The following CCDC3 variants were observed in gnomAD, a reference collection of about 807,000 sequenced individuals.
The protein encoded by CCDC3 is coiled-coil domain containing 3.
CCDC3 carries 24 observed loss-of-function variants against 21.4 expected under a neutral mutation model. The observed-to-expected ratio is 1.12, with a 90% CI of 0.81 to 1.58. The LOEUF (loss-of-function observed/expected upper bound fraction) is 1.58. CCDC3 is among the 40% of genes most tolerant of loss of function. The pLI is 0.00. For missense variants in CCDC3, 425 were observed against 360.9 expected (o/e 1.18, Z -1.44); for synonymous variants, 186 against 166.0 (o/e 1.12, Z -0.93).
intron 2 of CCDC3, among the ~76,000 whole-genome samples, chr10:12,909,607 T>A (rs953024546): frequency 1.7e-4 from 26 of 152,176 alleles, no homozygotes; most frequent in African/African-American, 6.3e-4. Flanking sequence ...CTGTGCTTAG[T>A]GCCGGAAGGG....
At chr10:13,054,461 TTC>T (rs932875384) in intron 4 of CCDC3, among the ~76,000 whole-genome samples, 6 of 152,272 alleles carry the variant, frequency 3.9e-5, no homozygotes, top group African/African-American at 9.6e-5. Context: ...TTGTTTGCAT[TTC>T]TGTCTCCCTC....
intron 2 of CCDC3, among the ~76,000 whole-genome samples, chr10:12,977,351 T>C (rs188955404): frequency 5.9e-5 from 9 of 151,826 alleles, no homozygotes; most frequent in African/African-American, 1.9e-4. Context: ...AAAGAAAGTG[T>C]CGTGTCTTTA....
At chr10:12,900,522 C>CAAAAA (rs10716235) in intron 2 of CCDC3, among the ~76,000 whole-genome samples, 6 of 75,870 alleles carry the variant, frequency 7.9e-5, no homozygotes, top group African/African-American at 3.5e-4. Context: ...ACTAAAAATA[C>CAAAAA]AAAAAAAAAA....
chr10:12,993,335 C>T (rs930033947), intron 2 of CCDC3, among the ~76,000 whole-genome samples: 6 of 152,260 alleles, frequency 3.9e-5, no homozygotes, highest in Non-Finnish European at 8.8e-5. Flanking sequence ...GATCTGCCCA[C>T]GGTCATTCCT....
At chr10:13,012,914 T>C (rs1007277982) in intron 5 of CCDC3, among the ~76,000 whole-genome samples, 8 of 152,118 alleles carry the variant, frequency 5.3e-5, no homozygotes, top group African/African-American at 1.9e-4. Flanking sequence ...AATTAAAATA[T>C]TCTAATAAAC....
Position 12,898,631 on chromosome 10 carries a change from C to A in CCDC3, c.598G>T (p.Val200Phe), listed in dbSNP as rs145872952. 25 of 1,614,106 alleles carry A rather than the reference C, an allele frequency of 1.5e-5. No individual in the cohort carries two copies. Among genetic ancestry groups the A allele is most frequent in the Non-Finnish European group, 2.1e-5 (25 of 1,180,038 alleles). ...GCCACTTTCTGCTGCAGTTTCTTGACGTGGTCCTCCTCCTCAAACAAGGCC... is the reference window on the plus strand; with the variant it reads ...GCCACTTTCTGCTGCAGTTTCTTGAAGTGGTCCTCCTCCTCAAACAAGGCC... ...QKALFEEEDHVKKLQQKVATL... is the reference protein window; with the variant it reads ...QKALFEEEDHFKKLQQKVATL... Residue 200 changes from valine to phenylalanine, a missense_variant, in exon 3 of 3, where the codon GTC (valine) becomes TTC (phenylalanine). Coordinates refer to ENST00000378825, the MANE Select transcript of CCDC3 (RefSeq NM_031455.4).
intron 5 of CCDC3, among the ~76,000 whole-genome samples, chr10:13,016,959 A>G (rs900890500): frequency 6.6e-6 from 1 of 152,056 alleles, no homozygotes; most frequent in African/African-American, 2.4e-5. Context: ...GGACAGAAAC[A>G]AGGGACCGAA....
chr10:12,918,946 T>G (rs1048800170), intron 2 of CCDC3, among the ~76,000 whole-genome samples: 1 of 152,090 alleles, frequency 6.6e-6, no homozygotes, highest in East Asian at 1.9e-4. Flanking sequence ...TCCCAGCTAC[T>G]CGGGAGGCTG....
At chr10:12,921,834 C>T (rs916858686) in intron 2 of CCDC3, among the ~76,000 whole-genome samples, 3 of 152,164 alleles carry the variant, frequency 2.0e-5, no homozygotes, top group Admixed American at 1.3e-4. Context: ...CTCGAAACTT[C>T]TGGGCTCAAG....
At chr10:12,951,486 G>A (rs1407569496) in intron 2 of CCDC3, among the ~76,000 whole-genome samples, 1 of 152,156 alleles carries the variant, frequency 6.6e-6, no homozygotes, top group African/African-American at 2.4e-5. Flanking sequence ...AAATAAAGCA[G>A]GGTGGACAGG....
chr10:13,086,495 C>T (rs1179516952), intron 3 of CCDC3, among the ~76,000 whole-genome samples: 1 of 152,178 alleles, frequency 6.6e-6, no homozygotes, highest in Non-Finnish European at 1.5e-5. Context: ...CTTGCTCTGT[C>T]ACCCAGGCTG....
At chr10:13,041,700 C>G (rs1209058629) in intron 5 of CCDC3, among the ~76,000 whole-genome samples, 1 of 151,282 alleles carries the variant, frequency 6.6e-6, no homozygotes, top group African/African-American at 2.4e-5. Context: ...GGTGGCCAGG[C>G]TGGTCTCGAA....
At chr10:12,953,550 C>T (rs763073735) in intron 2 of CCDC3, among the ~76,000 whole-genome samples, 2 of 152,334 alleles carry the variant, frequency 1.3e-5, no homozygotes, top group South Asian at 2.1e-4. Context: ...AGGCATGCCA[C>T]GGAGAAGTTA....
At chr10:12,916,298 GGT>G (rs1834355220) in intron 2 of CCDC3, among the ~76,000 whole-genome samples, 5 of 152,128 alleles carry the variant, frequency 3.3e-5, no homozygotes, top group Non-Finnish European at 5.9e-5. Context: ...TGGGCATGGT[GGT>G]GCATGCCTGT....
chr10:12,988,591 A>G (rs1490469648), intron 2 of CCDC3, among the ~76,000 whole-genome samples: 1 of 152,024 alleles, frequency 6.6e-6, no homozygotes, highest in Non-Finnish European at 1.5e-5. Context: ...TGATCTGCCC[A>G]CCTCAGCCTC....
rs1834027301 is a variant in CCDC3, at chr10:12,898,008, G to A, written c.*408C>T. 1 of 170,030 alleles carries A rather than the reference G, an allele frequency of 5.9e-6. No individual in the cohort carries two copies. The highest frequency in any genetic ancestry group is 1.3e-5 in the Non-Finnish European group (1 of 78,382). 10.5% of individuals were successfully genotyped at this position (170,030 alleles called of 1,614,324 possible). On this transcript the variant is annotated 3_prime_UTR_variant, in exon 3 of 3. Transcript: ENST00000378825. ...CGTCAGCTCACTCATCAGGACTAAT[G>A]GTTGTCCTGGACTGGGGAGCTGGGA...
At chr10:12,909,533 CTGTTGCCCAAGGGAAGAACAGGTCATTGG>C (rs1273070920) in intron 2 of CCDC3, among the ~76,000 whole-genome samples, 1 of 152,200 alleles carries the variant, frequency 6.6e-6, no homozygotes, top group Non-Finnish European at 1.5e-5. Context: ...TGGGTCATTG[CTGTTGCCCAAGGGAAGAACAGGTCATTGG>C]CCCAGTCAAA....
chr10:13,033,502 A>C (rs1448368467), intron 5 of CCDC3, among the ~76,000 whole-genome samples: 1 of 152,194 alleles, frequency 6.6e-6, no homozygotes, highest in African/African-American at 2.4e-5. Context: ...GGATCTAATT[A>C]AACTAAAGAG....
chr10:13,092,233 A>C (rs1832580744), intron 3 of CCDC3, among the ~76,000 whole-genome samples: 11 of 152,252 alleles, frequency 7.2e-5, no homozygotes, highest in Admixed American at 7.2e-4. Context: ...TTTTATAAAA[A>C]GATTCACAGA....
Sources: allele counts gnomAD v4.1 joint callset (sites outside exome capture counted in the v4.1 genomes callset), GRCh38; gene constraint gnomAD v4.1.1; transcripts MANE v1.5; gene names NCBI Gene and HGNC (gene_info 2026-07-23, HGNC 2026-07-21).